Variants in NKAIN3 observed in about 807,000 individuals in gnomAD.
The protein encoded by NKAIN3 is sodium/potassium transporting ATPase interacting 3.
Under a neutral mutation model 30.2 loss-of-function variants are expected in NKAIN3, and 25 were observed. The observed-to-expected ratio is 0.83, with a 90% CI of 0.60 to 1.16. The LOEUF is 1.16. Ranked by LOEUF, NKAIN3 falls within the 50% of genes most tolerant of loss-of-function variation. The probability of loss-of-function intolerance (pLI) is 0.00; values close to 1 mark genes in which losing one functional copy is unlikely to be tolerated. For missense variants in NKAIN3, 225 were observed against 254.1 expected, an observed-to-expected ratio of 0.89 and a Z score of 0.78; for synonymous variants, 91 against 89.6, an observed-to-expected ratio of 1.02 and a Z score of -0.09.
At position 62,461,344 on chromosome 8, in the gene NKAIN3, C is replaced by G. The variant is rs568823151; in HGVS notation, c.55-118195C>G. On this transcript the variant is annotated intron_variant, in intron 1 of 6. Transcript: ENST00000623646. Reference sequence around the variant, plus strand: ...ACTACAGCAAGAAATAACTGCAAACCCTGGGTAAGACCGTAAGTGCATTCC... The same window carrying G: ...ACTACAGCAAGAAATAACTGCAAACGCTGGGTAAGACCGTAAGTGCATTCC... Among the ~76,000 whole-genome samples, 3 of 152,252 alleles carry G rather than the reference C, an allele frequency of 2.0e-5. 1 individual carries two copies. In the South Asian group the frequency reaches 6.2e-4, roughly 32 times the overall value.
chr8:62,599,052 A>T (rs1810916294), intron 3 of NKAIN3, among the ~76,000 whole-genome samples: 1 of 152,088 alleles, frequency 6.6e-6, no homozygotes, highest in South Asian at 2.1e-4. Flanking sequence ...TCAAGAAAAG[A>T]GAGACAACCA....
At chr8:62,259,578 A>C (rs1000881814) in intron 1 of NKAIN3, among the ~76,000 whole-genome samples, 2 of 152,196 alleles carry the variant, frequency 1.3e-5, no homozygotes, top group African/African-American at 4.8e-5. Flanking sequence ...AGCACAAACT[A>C]TCTAATTTAC....
At chr8:62,803,867 C>T (rs960952934) in intron 4 of NKAIN3, among the ~76,000 whole-genome samples, 2 of 151,868 alleles carry the variant, frequency 1.3e-5, no homozygotes, top group Non-Finnish European at 2.9e-5. Flanking sequence ...AGACTGCTAG[C>T]AAGACTAATA....
intron 1 of NKAIN3, among the ~76,000 whole-genome samples, chr8:62,522,635 C>G (rs1260479713): frequency 6.6e-6 from 1 of 151,674 alleles, no homozygotes; most frequent in Middle Eastern, 3.2e-3. Context: ...TGATCCTGAC[C>G]CTGTGTAGGC....
chr8:62,267,820 C>T (rs1337624811), intron 1 of NKAIN3, among the ~76,000 whole-genome samples: 1 of 152,152 alleles, frequency 6.6e-6, no homozygotes, highest in Non-Finnish European at 1.5e-5. Flanking sequence ...AGAATACAAA[C>T]TGTTTATTTC....
At chr8:62,277,329 TC>T (rs956765102) in intron 1 of NKAIN3, among the ~76,000 whole-genome samples, 9 of 152,192 alleles carry the variant, frequency 5.9e-5, no homozygotes, top group Admixed American at 5.9e-4. Flanking sequence ...TTTTTAAGCA[TC>T]TGGCTTTTTT....
Position 62,971,817 on chromosome 8 carries a change from G to C in NKAIN3, c.*6410G>C, listed in dbSNP as rs771130319. Among the ~76,000 whole-genome samples, 8 of 152,226 alleles carry C rather than the reference G, an allele frequency of 5.3e-5. No individual in the cohort carries two copies. Among genetic ancestry groups the C allele is most frequent in the Non-Finnish European group, 1.2e-4 (8 of 68,008 alleles). ...ACATATATTCTTCAGTACTGTGAGA[G>C]ATTTAATCATCAAGTATGTGAAATG... On this transcript the variant is annotated 3_prime_UTR_variant, in exon 7 of 7. Coordinates refer to ENST00000623646, the MANE Select transcript of NKAIN3 (RefSeq NM_001304533.3).
intron 4 of NKAIN3, among the ~76,000 whole-genome samples, chr8:62,800,191 A>G (rs1818009196): frequency 6.6e-6 from 1 of 151,782 alleles, no homozygotes; most frequent in Non-Finnish European, 1.5e-5. Context: ...TCCCCAAAAA[A>G]CCTATTGAAA....
chr8:62,916,479 T>C (rs148086034), intron 4 of NKAIN3, among the ~76,000 whole-genome samples: 94 of 152,212 alleles, frequency 6.2e-4, no homozygotes, highest in African/African-American at 2.2e-3. Flanking sequence ...ACTGAATGGG[T>C]TGGTAGAATA....
intron 1 of NKAIN3, among the ~76,000 whole-genome samples, chr8:62,368,595 C>A (rs1816808047): frequency 6.6e-6 from 1 of 152,062 alleles, no homozygotes; most frequent in South Asian, 2.1e-4. Context: ...TTCTCCGGAA[C>A]AAATGCCTGA....
chr8:62,705,355 A>G (rs540335345), intron 3 of NKAIN3, among the ~76,000 whole-genome samples: 2 of 152,256 alleles, frequency 1.3e-5, no homozygotes, highest in South Asian at 4.1e-4. Flanking sequence ...AGAGACCCTG[A>G]ATTATAGTTT....
chr8:62,457,169 T>C (rs541870912), intron 1 of NKAIN3, among the ~76,000 whole-genome samples: 2 of 152,334 alleles, frequency 1.3e-5, no homozygotes, highest in South Asian at 2.1e-4. Context: ...GGGATGTTTC[T>C]GGAGAAAGGA....
intron 1 of NKAIN3, among the ~76,000 whole-genome samples, chr8:62,376,769 A>G (rs537577379): frequency 6.6e-6 from 1 of 152,302 alleles, no homozygotes; most frequent in South Asian, 2.1e-4. Flanking sequence ...ATTTAGGTAA[A>G]AGGGAGTTGT....
chr8:62,645,489 G>A (rs889237741), intron 3 of NKAIN3, among the ~76,000 whole-genome samples: 5 of 152,108 alleles, frequency 3.3e-5, no homozygotes, highest in Admixed American at 6.6e-5. Context: ...TATTAATTAG[G>A]ATAACTATCC....
rs189392612 is a variant in NKAIN3 at position 62,282,895 on chromosome 8, C to G, written c.54+33768C>G. Among the ~76,000 whole-genome samples, 42 of 152,268 alleles carry G rather than the reference C, an allele frequency of 2.8e-4. 1 individual carries two copies. Among genetic ancestry groups the G allele is most frequent in the Admixed American group, 2.6e-3 (39 of 15,284 alleles). ...TCTGTCTTTACAACCCTCTTCTCCT[C>G]ATTACTGTACTATGTAACACTAGAT... On this transcript the variant is annotated intron_variant, in intron 1 of 6. Transcript: ENST00000623646.
At chr8:62,654,794 C>G (rs1445169500) in intron 3 of NKAIN3, among the ~76,000 whole-genome samples, 1 of 151,700 alleles carries the variant, frequency 6.6e-6, no homozygotes, top group Non-Finnish European at 1.5e-5. Context: ...TTCCATGAAA[C>G]AAGGGAATGA....
rs1485121474 is a variant in NKAIN3 at position 62,840,792 on chromosome 8, T to A, written c.472-77661T>A. On this transcript the variant is annotated intron_variant, in intron 4 of 6. Transcript: ENST00000623646. Reference sequence around the variant, plus strand: ...ACTATGGCAAAGGAAGGGGAAAATGTCTCTATTGAATATATGGCCTACTGA... The same window carrying A: ...ACTATGGCAAAGGAAGGGGAAAATGACTCTATTGAATATATGGCCTACTGA... Among the ~76,000 whole-genome samples, 3 of 152,236 alleles carry A rather than the reference T, an allele frequency of 2.0e-5. No homozygotes were observed. In the South Asian group the frequency reaches 6.2e-4, roughly 32 times the overall value.
At chr8:62,596,222 A>T (rs1009582041) in intron 3 of NKAIN3, among the ~76,000 whole-genome samples, 42 of 151,832 alleles carry the variant, frequency 2.8e-4, no homozygotes, top group African/African-American at 1.0e-3. Context: ...TGTCTTCGTG[A>T]GTTTCCTCAT....
At chr8:62,718,146 C>T (rs1372972034) in intron 3 of NKAIN3, among the ~76,000 whole-genome samples, 2 of 152,100 alleles carry the variant, frequency 1.3e-5, no homozygotes, top group East Asian at 1.9e-4. Flanking sequence ...AAAGACAAGC[C>T]CCCATGATTC....
Sources: gnomAD v4.1 joint callset for allele counts (sites outside exome capture counted in the v4.1 genomes callset) on GRCh38, gnomAD v4.1.1 for gene constraint, MANE v1.5 for transcripts, NCBI Gene and HGNC (gene_info 2026-07-23, HGNC 2026-07-21) for gene names.